The following ZHX2 variants were observed in gnomAD, a reference collection of about 807,000 sequenced individuals.
The protein encoded by ZHX2 is zinc fingers and homeoboxes protein 2.
Under a neutral mutation model 21.9 loss-of-function variants are expected in ZHX2, and 6 were observed. The ratio of observed to expected loss-of-function variants is 0.27; its 90% confidence interval spans 0.15 to 0.54. The LOEUF is 0.54. ZHX2 is among the 20% of genes least tolerant of loss of function. The pLI is 0.95. For missense variants in ZHX2, 908 were observed against 1,090.7 expected (o/e 0.83, Z 2.36); for synonymous variants, 434 against 437.1 (o/e 0.99, Z 0.09).
chr8:122,789,934 C>T (rs961840222), intron 1 of ZHX2, among the ~76,000 whole-genome samples: 1 of 152,196 alleles, frequency 6.6e-6, no homozygotes, highest in Non-Finnish European at 1.5e-5. Context: ...CACGTTGTTT[C>T]CAAGAACCAG....
At chr8:122,829,496 G>T (rs937227397) in intron 1 of ZHX2, among the ~76,000 whole-genome samples, 2 of 152,126 alleles carry the variant, frequency 1.3e-5, no homozygotes, top group African/African-American at 4.8e-5. Flanking sequence ...TGACATGGAC[G>T]TACCTACATC....
chr8:122,930,885 G>C (rs1382599304), intron 2 of ZHX2, among the ~76,000 whole-genome samples: 2 of 152,096 alleles, frequency 1.3e-5, no homozygotes, highest in Non-Finnish European at 2.9e-5. Context: ...GCACCCAGCA[G>C]TTGTTGGTCC....
At chr8:122,891,860 T>A (rs1819988022) in intron 2 of ZHX2, among the ~76,000 whole-genome samples, 1 of 152,242 alleles carries the variant, frequency 6.6e-6, no homozygotes, top group African/African-American at 2.4e-5. Flanking sequence ...TCCTGGAGAA[T>A]GTTCCATGTG....
intron 2 of ZHX2, among the ~76,000 whole-genome samples, chr8:122,941,365 C>G (rs191399891): frequency 2.0e-5 from 3 of 152,312 alleles, no homozygotes; most frequent in African/African-American, 4.8e-5. Context: ...AGCAACTAAG[C>G]AATACAAAAG....
intron 1 of ZHX2, among the ~76,000 whole-genome samples, chr8:122,809,421 A>C (rs1477456942): frequency 1.3e-5 from 2 of 152,166 alleles, no homozygotes; most frequent in Admixed American, 6.5e-5. Flanking sequence ...AGTCGCTTGA[A>C]CCTGGGAGGC....
chr8:122,839,432 C>T (rs560237321), intron 1 of ZHX2, among the ~76,000 whole-genome samples: 11 of 152,294 alleles, frequency 7.2e-5, no homozygotes, highest in African/African-American at 1.2e-4. Flanking sequence ...GAGGCCTGCC[C>T]GGCTCGTATC....
chr8:122,943,797 A>G (rs565382736), intron 2 of ZHX2, among the ~76,000 whole-genome samples: 1 of 152,200 alleles, frequency 6.6e-6, no homozygotes, highest in African/African-American at 2.4e-5. Context: ...TTTTCCCGCC[A>G]GCCCCACCCC....
At position 122,954,015 on chromosome 8, in the gene ZHX2, C is replaced by T. The variant is rs112921289; in HGVS notation, c.2505C>T (p.Gly835=). 18 of 1,597,884 alleles carry T rather than the reference C, an allele frequency of 1.1e-5. No individual in the cohort carries two copies. The highest frequency in any genetic ancestry group is 2.7e-5 in the African/African-American group (2 of 74,744). ...SDSDCVPAEA[G]QA ...CCGACTGCGTCCCTGCAGAGGCTGG[C>T]CAGGCCTAGACAGGTAATTCCACCT... The change falls in exon 3 of 4, where the codon GGC becomes GGT. Residue 835 remains glycine (G), a synonymous_variant. Coordinates refer to ENST00000314393, the MANE Select transcript of ZHX2 (RefSeq NM_014943.5).
intron 1 of ZHX2, among the ~76,000 whole-genome samples, chr8:122,833,951 C>A (rs191286932): frequency 6.6e-6 from 1 of 151,038 alleles, no homozygotes; most frequent in African/African-American, 2.4e-5. Context: ...GAGCTGAGAT[C>A]GCGCCACTGC....
chr8:122,867,017 G>C (rs1353532587), intron 2 of ZHX2, among the ~76,000 whole-genome samples: 3 of 149,490 alleles, frequency 2.0e-5, no homozygotes, highest in Non-Finnish European at 4.4e-5. Context: ...ATTTTTAGTA[G>C]AGACAGGGTT....
intron 2 of ZHX2, among the ~76,000 whole-genome samples, chr8:122,880,806 T>G (rs1586356094): frequency 6.7e-6 from 1 of 148,288 alleles, no homozygotes; most frequent in African/African-American, 2.5e-5. Flanking sequence ...GAGTGAGAGA[T>G]GCTCATGAGT....
At chr8:122,825,477 A>T (rs1342642779) in intron 1 of ZHX2, among the ~76,000 whole-genome samples, 1 of 152,000 alleles carries the variant, frequency 6.6e-6, no homozygotes, top group African/African-American at 2.4e-5. Flanking sequence ...TTGTTCAATG[A>T]TCTTAAACCG....
At chr8:122,807,081 A>G (rs1417025392) in intron 1 of ZHX2, among the ~76,000 whole-genome samples, 2 of 152,070 alleles carry the variant, frequency 1.3e-5, no homozygotes, top group Non-Finnish European at 2.9e-5. Flanking sequence ...GCCCTTGGTG[A>G]GTGGGAGCTG....
At chr8:122,866,769 A>G (rs1157933839) in intron 2 of ZHX2, among the ~76,000 whole-genome samples, 1 of 152,218 alleles carries the variant, frequency 6.6e-6, no homozygotes, top group Non-Finnish European at 1.5e-5. Context: ...GGAGGCAAGA[A>G]GAACTGTAGC....
chr8:122,817,466 G>A (rs536341829), intron 1 of ZHX2, among the ~76,000 whole-genome samples: 2 of 152,324 alleles, frequency 1.3e-5, no homozygotes, highest in African/African-American at 2.4e-5. Context: ...TATGCTCTCT[G>A]TATTGCCCAA....
chr8:122,914,549 C>T (rs1369737333), intron 2 of ZHX2, among the ~76,000 whole-genome samples: 1 of 152,212 alleles, frequency 6.6e-6, no homozygotes, highest in Non-Finnish European at 1.5e-5. Flanking sequence ...GTCCCTGGTT[C>T]CCAAGACCTG....
intron 2 of ZHX2, among the ~76,000 whole-genome samples, chr8:122,918,128 T>G (rs1044189882): frequency 1.1e-4 from 16 of 152,154 alleles, no homozygotes; most frequent in African/African-American, 3.9e-4. Flanking sequence ...TGCCTCTTAT[T>G]AAACTTATTT....
At chr8:122,934,730 C>T (rs954760949) in intron 2 of ZHX2, among the ~76,000 whole-genome samples, 15 of 151,950 alleles carry the variant, frequency 9.9e-5, no homozygotes, top group Non-Finnish European at 1.8e-4. Context: ...GCTTTTGTTG[C>T]CCAGGCTGGG....
intron 2 of ZHX2, among the ~76,000 whole-genome samples, chr8:122,911,839 G>T (rs1471374032): frequency 6.6e-6 from 1 of 152,166 alleles, no homozygotes; most frequent in Non-Finnish European, 1.5e-5. Context: ...GTACATTTCA[G>T]CTGACTCCTG....
Sources: allele counts gnomAD v4.1 joint callset (sites outside exome capture counted in the v4.1 genomes callset), GRCh38; gene constraint gnomAD v4.1.1; transcripts MANE v1.5; gene names NCBI Gene and HGNC (gene_info 2026-07-23, HGNC 2026-07-21).